RABGAP1: variants seen among roughly 807,000 people sequenced by gnomAD.
RABGAP1 encodes the protein rab GTPase-activating protein 1.
In RABGAP1, 23 loss-of-function variants were observed where a neutral mutation model predicts 137.6. The ratio of observed to expected loss-of-function variants is 0.17; its 90% CI spans 0.12 to 0.24. The LOEUF (loss-of-function observed/expected upper bound fraction) is 0.24, where lower values mean the gene tolerates loss of function less well. Among genes scored for constraint, RABGAP1 ranks in the 10% least tolerant of loss-of-function variants. The pLI, the probability that RABGAP1 is intolerant of heterozygous loss-of-function variation, is 1.00. For synonymous variants in RABGAP1, 451 were observed against 450.7 expected, an observed-to-expected ratio of 1.00 and a Z score of -0.01; for missense variants, 906 against 1,275.8, an observed-to-expected ratio of 0.71 and a Z score of 4.42.
chr9:123,058,326 CAA>C (rs576024979), intron 13 of RABGAP1, among the ~76,000 whole-genome samples: 13 of 145,216 alleles, frequency 9.0e-5, no homozygotes, highest in African/African-American at 3.3e-4. Flanking sequence ...TTGTAGTTAG[CAA>C]AAAAAAATTT....
chr9:122,971,422 C>T (rs931300615), intron 2 of RABGAP1, among the ~76,000 whole-genome samples: 1 of 152,158 alleles, frequency 6.6e-6, no homozygotes, highest in Non-Finnish European at 1.5e-5. Flanking sequence ...TAAAGCAGAG[C>T]ACACAATCCA....
At chr9:123,077,285 G>A (rs2132162927) in intron 19 of RABGAP1, among the ~76,000 whole-genome samples, 1 of 151,910 alleles carries the variant, frequency 6.6e-6, no homozygotes, top group Non-Finnish European at 1.5e-5. Context: ...GAGTAGCTGG[G>A]ACTACAGGTA....
At chr9:122,961,810 A>G (rs956646357) in intron 2 of RABGAP1, among the ~76,000 whole-genome samples, 4 of 152,158 alleles carry the variant, frequency 2.6e-5, no homozygotes, top group African/African-American at 9.7e-5. Context: ...TGTTGGGCCT[A>G]TGAGATGTGG....
intron 22 of RABGAP1, 125 bp from the exon 23 acceptor site, chr9:123,098,590 C>T: frequency 3.0e-6 from 2 of 662,702 alleles, no homozygotes; most frequent in Non-Finnish European, 5.2e-6. Context: ...AAGAAAGTAG[C>T]TGAATTAGAG....
At position 122,984,554 on chromosome 9, in the gene RABGAP1, G is replaced by A; in HGVS notation, c.220G>A (p.Asp74Asn). 1.4e-5 allele frequency: 22 copies of A among 1,614,150 alleles called. No homozygotes were observed. Among genetic ancestry groups the A allele is most frequent in the Non-Finnish European group, 1.9e-5 (22 of 1,180,032 alleles). ...LADVLMDPPM[D>N]DQPGEKELVK... ...AGATGTACTGATGGATCCTCCAATG[G>A]ACGACCAGCCAGGGGAAAAGGAGCT... is the stretch of plus-strand genomic sequence containing the variant. Residue 74 changes from aspartate (D) to asparagine (N), a missense_variant, in exon 3 of 26, where the codon GAC becomes AAC. Transcript: ENST00000373647.
At chr9:123,067,987 T>A (rs899387491) in intron 14 of RABGAP1, among the ~76,000 whole-genome samples, 1 of 152,192 alleles carries the variant, frequency 6.6e-6, no homozygotes, top group Non-Finnish European at 1.5e-5. Flanking sequence ...ATGAGAAGAA[T>A]ACATCAACTC....
chr9:123,033,639 C>T (rs1164395628), intron 13 of RABGAP1: 3 of 151,996 alleles, frequency 2.0e-5, no homozygotes, highest in Admixed American at 1.3e-4. Flanking sequence ...CCCTCCGTGT[C>T]TTAGTTCTGC....
At chr9:123,030,899 C>G (rs2032263255) in intron 13 of RABGAP1, among the ~76,000 whole-genome samples, 1 of 151,714 alleles carries the variant, frequency 6.6e-6, no homozygotes, top group South Asian at 2.1e-4. Context: ...TTCTTTAATC[C>G]AAAGCAAAAC....
At chr9:123,088,368 G>A (rs771517317) in intron 19 of RABGAP1, among the ~76,000 whole-genome samples, 1 of 151,868 alleles carries the variant, frequency 6.6e-6, no homozygotes, top group African/African-American at 2.4e-5. Flanking sequence ...TCCTTAAATT[G>A]CACACATCTG....
At chr9:122,998,235 G>A (rs118154533) in intron 9 of RABGAP1, among the ~76,000 whole-genome samples, 2,404 of 152,148 alleles carry the variant, frequency 0.016, 35 homozygotes, top group South Asian at 0.066. Context: ...AAATATCTGG[G>A]ACTACAGGCA....
chr9:123,035,092 G>T, intron 13 of RABGAP1: 1 of 1,614,124 alleles, frequency 6.2e-7, no homozygotes, highest in Non-Finnish European at 8.5e-7. Flanking sequence ...ATATCATGGA[G>T]ATGTGTTTCA....
intron 13 of RABGAP1, among the ~76,000 whole-genome samples, chr9:123,023,506 A>T (rs542357798): frequency 6.6e-6 from 1 of 152,266 alleles, no homozygotes; most frequent in East Asian, 1.9e-4. Flanking sequence ...AAATGCATTT[A>T]TACAGTCACA....
chr9:123,055,086 C>T (rs1385782294), intron 13 of RABGAP1, among the ~76,000 whole-genome samples: 2 of 152,194 alleles, frequency 1.3e-5, no homozygotes, highest in Non-Finnish European at 2.9e-5. Flanking sequence ...GGTGAGGTAT[C>T]TACATAAATT....
intron 13 of RABGAP1, among the ~76,000 whole-genome samples, chr9:123,053,344 T>TATGAA (rs1323798978): frequency 2.8e-4 from 42 of 152,338 alleles, no homozygotes; most frequent in Middle Eastern, 3.4e-3. Flanking sequence ...CTTCCAAACA[T>TATGAA]ATGAAATGAA....
chr9:123,023,009 C>T (rs544560131), intron 13 of RABGAP1, among the ~76,000 whole-genome samples: 2 of 152,194 alleles, frequency 1.3e-5, no homozygotes, highest in South Asian at 4.1e-4. Flanking sequence ...AAGTGCATAG[C>T]TCCATGACAT....
intron 2 of RABGAP1, among the ~76,000 whole-genome samples, chr9:122,959,238 C>A (rs912841462): frequency 2.6e-5 from 4 of 151,632 alleles, no homozygotes; most frequent in Non-Finnish European, 4.4e-5. Flanking sequence ...GGAGAACCAC[C>A]CTTGCTAGGA....
At chr9:123,101,292 A>G (rs948482360) in intron 24 of RABGAP1, among the ~76,000 whole-genome samples, 4 of 152,170 alleles carry the variant, frequency 2.6e-5, no homozygotes, top group Non-Finnish European at 5.9e-5. Flanking sequence ...TTTTGTACAT[A>G]AATTTTTATC....
chr9:122,932,714 T>C, the RABGAP1 span, among the ~76,000 whole-genome samples: 2 of 152,078 alleles, frequency 1.3e-5, no homozygotes, highest in Non-Finnish European at 2.9e-5. Context: ...TTTAGAGATA[T>C]GGAGACGTGG....
chr9:123,077,610 CATTGTATTGT>C (rs71508192), intron 19 of RABGAP1, among the ~76,000 whole-genome samples: 22,285 of 91,210 alleles, frequency 0.24, 3,380 homozygotes, highest in Non-Finnish European at 0.25. Context: ...GTTATCATAA[CATTGTATTGT>C]ATTGTATTGT....
Sources: gnomAD v4.1 joint callset for allele counts (sites outside exome capture counted in the v4.1 genomes callset) on GRCh38, gnomAD v4.1.1 for gene constraint, MANE v1.5 for transcripts, NCBI Gene and HGNC (gene_info 2026-07-23, HGNC 2026-07-21) for gene names.